The following RAPGEF2 variants were observed in gnomAD, a reference collection of about 807,000 sequenced individuals.
The protein encoded by RAPGEF2 is Rap guanine nucleotide exchange factor 2, also known as PDZ domain containing guanine nucleotide exchange factor (GEF) 1.
In RAPGEF2, 54 loss-of-function variants were observed where a neutral mutation model predicts 186.7. The ratio of observed to expected loss-of-function variants is 0.29; its 90% CI spans 0.23 to 0.36. RAPGEF2 has a LOEUF of 0.36. RAPGEF2 is among the 10% of genes least tolerant of loss of function. The pLI is 1.00. For missense variants in RAPGEF2, 1,532 were observed against 2,045.0 expected (o/e 0.75, Z 4.84); for synonymous variants, 712 against 705.9 (o/e 1.01, Z -0.14).
chr4:159,279,285 C>T (rs1300993378), intron 7 of RAPGEF2, among the ~76,000 whole-genome samples: 1 of 152,202 alleles, frequency 6.6e-6, no homozygotes, highest in Non-Finnish European at 1.5e-5. Context: ...GCAGGTTTTT[C>T]TTGTACGTGC....
intron 10 of RAPGEF2, 136 bp downstream of exon 10, chr4:159,322,619 G>A: frequency 3.0e-6 from 2 of 671,790 alleles, no homozygotes; most frequent in South Asian, 2.1e-5. Context: ...AAGAATTATG[G>A]TACACCTGTT....
chr4:159,113,611 G>A (rs1462535847), intron 1 of RAPGEF2, among the ~76,000 whole-genome samples: 3 of 151,762 alleles, frequency 2.0e-5, no homozygotes, highest in East Asian at 1.9e-4. Context: ...GAGTGGTGGC[G>A]CATGCTTGTA....
chr4:159,131,097 TGAGAGAGAGA>T (rs10596468), intron 1 of RAPGEF2, among the ~76,000 whole-genome samples: 2,090 of 147,620 alleles, frequency 0.014, 43 homozygotes, highest in African/African-American at 0.045. Flanking sequence ...TGTGTGTGTG[TGAGAGAGAGA>T]GAGAGAGAGA....
chr4:159,207,229 C>T (rs1750083240), intron 3 of RAPGEF2, among the ~76,000 whole-genome samples: 2 of 152,176 alleles, frequency 1.3e-5, no homozygotes, highest in South Asian at 4.1e-4. Flanking sequence ...TTCACATCCT[C>T]AAATCTTTCC....
At chr4:159,255,858 T>A (rs1168788486) in intron 7 of RAPGEF2, among the ~76,000 whole-genome samples, 4 of 152,234 alleles carry the variant, frequency 2.6e-5, no homozygotes, top group Non-Finnish European at 4.4e-5. Context: ...TAAATTTTTG[T>A]CGAACAGATT....
intron 1 of RAPGEF2, among the ~76,000 whole-genome samples, chr4:159,113,334 A>G (rs773269750): frequency 2.2e-4 from 33 of 152,258 alleles, no homozygotes; most frequent in Non-Finnish European, 4.3e-4. Context: ...CGTTTTTTAA[A>G]TAACCTTTTT....
intron 4 of RAPGEF2, among the ~76,000 whole-genome samples, chr4:159,225,653 T>C (rs1751957736): frequency 1.3e-5 from 2 of 152,232 alleles, no homozygotes; most frequent in Non-Finnish European, 2.9e-5. Flanking sequence ...CTTGGTGTTG[T>C]CAGTCTTTTT....
chr4:159,186,003 T>C (rs1747516570), intron 1 of RAPGEF2, among the ~76,000 whole-genome samples: 1 of 152,098 alleles, frequency 6.6e-6, no homozygotes, highest in African/African-American at 2.4e-5. Context: ...CCTTTCTGGC[T>C]TGTCACAAAT....
intron 7 of RAPGEF2, among the ~76,000 whole-genome samples, chr4:159,299,326 T>C (rs1310578261): frequency 6.6e-6 from 1 of 152,114 alleles, no homozygotes; most frequent in African/African-American, 2.4e-5. Context: ...GTTAAATACA[T>C]TTCAGTCAAT....
chr4:159,223,539 T>C (rs963044373), intron 4 of RAPGEF2, among the ~76,000 whole-genome samples: 3 of 152,190 alleles, frequency 2.0e-5, no homozygotes, highest in Admixed American at 2.0e-4. Flanking sequence ...TATTATTATT[T>C]TATGGTTCAT....
At chr4:159,122,794 T>A (rs1579239786) in intron 1 of RAPGEF2, among the ~76,000 whole-genome samples, 1 of 152,154 alleles carries the variant, frequency 6.6e-6, no homozygotes, top group Non-Finnish European at 1.5e-5. Context: ...TTGAATAATA[T>A]TATGGGACCC....
At chr4:159,335,402 G>A (rs1852868) in intron 17 of RAPGEF2, among the ~76,000 whole-genome samples, 92,965 of 152,048 alleles carry the variant, frequency 0.61, 29,686 homozygotes, top group African/African-American at 0.76. Flanking sequence ...TGTGCCCAGA[G>A]AGGGACATTT....
At chr4:159,195,543 G>T (rs1748548748) in intron 3 of RAPGEF2, among the ~76,000 whole-genome samples, 1 of 152,158 alleles carries the variant, frequency 6.6e-6, no homozygotes, top group Non-Finnish European at 1.5e-5. Context: ...CATTATCCCA[G>T]CTGGACAAAC....
At chr4:159,191,179 G>A (rs1247503179) in intron 2 of RAPGEF2, among the ~76,000 whole-genome samples, 2 of 149,178 alleles carry the variant, frequency 1.3e-5, no homozygotes, top group African/African-American at 4.9e-5. Flanking sequence ...AGAGGATGAA[G>A]TTGGGGAGCA....
In RAPGEF2 at chr4:159,160,773, A is replaced by G. The variant is rs180939180; in HGVS notation, c.70-25869A>G. On this transcript the variant is annotated intron_variant, in intron 1 of 29. Transcript: ENST00000691494. The stretch of plus-strand genomic sequence containing the variant: ...TTTGTAGTGCATGCTCTATTCACCT[A>G]TTCCTGTACATCATTTTTTTTTCTC... 2.5e-3 allele frequency among the ~76,000 whole-genome samples: 378 copies of G among 152,286 alleles called. 4 individuals carry two copies. In the Middle Eastern group the frequency reaches 0.037, roughly 15 times the overall value.
At chr4:159,313,155 AC>A (rs1312633568) in intron 8 of RAPGEF2, among the ~76,000 whole-genome samples, 7 of 146,118 alleles carry the variant, frequency 4.8e-5, no homozygotes, top group African/African-American at 1.5e-4. Context: ...CTCAAAAAAA[AC>A]AAAAAGAAAG....
At chr4:159,314,842 GCC>G (rs1406851755) in intron 9 of RAPGEF2, 74 bp downstream of exon 9, 13 of 1,335,962 alleles carry the variant, frequency 9.7e-6, no homozygotes, top group Non-Finnish European at 1.2e-5. Flanking sequence ...ATGAAATAGA[GCC>G]CAAGACTAGT....
intron 7 of RAPGEF2, among the ~76,000 whole-genome samples, chr4:159,262,789 C>G (rs1020685041): frequency 6.6e-5 from 10 of 151,918 alleles, no homozygotes; most frequent in Admixed American, 4.6e-4. Context: ...TTTTCAATTA[C>G]AAATCAGATG....
At chr4:159,173,660 A>AT (rs1231156392) in intron 1 of RAPGEF2, among the ~76,000 whole-genome samples, 1 of 152,136 alleles carries the variant, frequency 6.6e-6, no homozygotes. Flanking sequence ...GGTTGATGTT[A>AT]TTTTTTAATT....
Sources: gnomAD v4.1 joint callset for allele counts (sites outside exome capture counted in the v4.1 genomes callset) on GRCh38, gnomAD v4.1.1 for gene constraint, MANE v1.5 for transcripts, NCBI Gene and HGNC (gene_info 2026-07-23, HGNC 2026-07-21) for gene names.